DENND4C: variants seen among roughly 807,000 people sequenced by gnomAD.
DENND4C encodes DENN domain-containing protein 4C.
In DENND4C, 108 loss-of-function variants were observed where a neutral mutation model predicts 203.0. The observed-to-expected ratio is 0.53, with a 90% CI of 0.46 to 0.62. The LOEUF (loss-of-function observed/expected upper bound fraction) is 0.62. Among genes scored for constraint, DENND4C ranks in the 20% least tolerant of loss-of-function variants. The pLI is 0.00. For synonymous variants in DENND4C, 871 were observed against 792.4 expected (o/e 1.10, Z -1.67); for missense variants, 2,481 against 2,301.2 (o/e 1.08, Z -1.60).
At chr9:19,352,920 G>C (rs1824482482) in intron 26 of DENND4C, among the ~76,000 whole-genome samples, 1 of 152,100 alleles carries the variant, frequency 6.6e-6, no homozygotes, top group Non-Finnish European at 1.5e-5. Context: ...GATTGCTTGA[G>C]GTCAGGAGTT....
chr9:19,268,765 C>A (rs964565485), intron 1 of DENND4C, among the ~76,000 whole-genome samples: 3 of 152,092 alleles, frequency 2.0e-5, no homozygotes, highest in Non-Finnish European at 1.5e-5. Flanking sequence ...CATACACTCT[C>A]TCCTAGCCTG....
intron 2 of DENND4C, among the ~76,000 whole-genome samples, chr9:19,283,188 A>T (rs1282389715): frequency 6.6e-6 from 1 of 151,598 alleles, no homozygotes; most frequent in African/African-American, 2.4e-5. Flanking sequence ...TGTTTAAACT[A>T]TTTTGTTAAA....
chr9:19,230,926 A>C (rs1820359251), intron 1 of DENND4C, 93 bp downstream of exon 1: 1 of 152,316 alleles, frequency 6.6e-6, no homozygotes, highest in Non-Finnish European at 1.5e-5. Context: ...CGGGACAGGT[A>C]GAGCCCGGAG....
chr9:19,322,622 G>T (rs1015542208), intron 12 of DENND4C, among the ~76,000 whole-genome samples: 38 of 151,638 alleles, frequency 2.5e-4, no homozygotes, highest in Non-Finnish European at 4.3e-4. Flanking sequence ...TGTAGTCCCA[G>T]CTTCTCAGGA....
intron 16 of DENND4C, 97 bp downstream of exon 16, chr9:19,328,259 A>G (rs1182469706): frequency 1.7e-6 from 2 of 1,182,358 alleles, no homozygotes; most frequent in African/African-American, 3.2e-5. Context: ...CACAACAACC[A>G]TTTGAAGACT....
intron 9 of DENND4C, among the ~76,000 whole-genome samples, chr9:19,304,127 G>GTT (rs140760363): frequency 1.4e-5 from 2 of 146,862 alleles, no homozygotes; most frequent in African/African-American, 2.5e-5. Context: ...CTTGAGGAAT[G>GTT]TTTTTTTCTC....
intron 20 of DENND4C, among the ~76,000 whole-genome samples, chr9:19,339,048 C>A (rs1821069834): frequency 6.6e-6 from 1 of 152,136 alleles, no homozygotes; most frequent in Admixed American, 6.5e-5. Context: ...AAGAATAATA[C>A]AGAAAACTCT....
At chr9:19,259,505 C>CT (rs1021585159) in intron 1 of DENND4C, among the ~76,000 whole-genome samples, 26,308 of 131,392 alleles carry the variant, frequency 0.2, 2,769 homozygotes, top group African/African-American at 0.21. Context: ...TTTCTTTTTT[C>CT]TTTTTTTTTT....
At position 19,358,302 on chromosome 9, in the gene DENND4C, G is replaced by A; in HGVS notation, c.5160+142G>A. 3.0e-6 allele frequency: 2 copies of A among 661,224 alleles called. No individual in the cohort carries two copies. Among genetic ancestry groups the A allele is most frequent in the South Asian group, 4.0e-5 (1 of 24,870 alleles). The allele number at this position is 661,224 out of a possible 1,614,324, so 41.0% of individuals were successfully genotyped here. The stretch of plus-strand genomic sequence containing the variant: ...TTCCATAAACAAATAACTTTTTATT[G>A]TGGAGAATTTCAAATATGTACAAAA... On this transcript the variant is annotated intron_variant, in intron 28 of 32. Transcript: ENST00000434457. This position sits in a 1 kb window ranked among gnomAD's most constrained non-coding sequence, Gnocchi z 4.8.
At position 19,316,606 on chromosome 9, in the gene DENND4C, T is replaced by C; in HGVS notation, c.1589-15T>C. On this transcript the variant is annotated splice_polypyrimidine_tract_variant and intron_variant, in intron 11 of 32. Coordinates refer to ENST00000434457, the MANE Select transcript of DENND4C (RefSeq NM_001330640.2). The stretch of plus-strand genomic sequence containing the variant: ...TTAACATAATACCATTTTCTGTTTT[T>C]ATTTCCTTTGTTAGTTCACCAAAAA... The C allele has an allele frequency of 6.2e-7, 1 of 1,610,216 alleles. No homozygotes were observed. The highest frequency in any genetic ancestry group is 8.5e-7 in the Non-Finnish European group (1 of 1,178,568).
intron 1 of DENND4C, among the ~76,000 whole-genome samples, chr9:19,275,235 C>G (rs1832644333): frequency 6.6e-6 from 1 of 151,296 alleles, no homozygotes; most frequent in African/African-American, 2.4e-5. Context: ...GCCTCGGCCT[C>G]CCAAAGTGCA....
intron 6 of DENND4C, 27 bp from the exon 7 acceptor site, chr9:19,298,029 A>G (rs773455116): frequency 6.5e-7 from 1 of 1,540,042 alleles, no homozygotes; most frequent in East Asian, 2.4e-5. Flanking sequence ...AGTAATTATT[A>G]TATTTATTTC....
At chr9:19,303,295 T>C (rs1004700084) in intron 9 of DENND4C, among the ~76,000 whole-genome samples, 2 of 152,216 alleles carry the variant, frequency 1.3e-5, no homozygotes, top group African/African-American at 2.4e-5. Flanking sequence ...TTATTCCTTA[T>C]GTTTTTCATT....
At chr9:19,366,909 AG>A (rs1430600901) in intron 30 of DENND4C, among the ~76,000 whole-genome samples, 1 of 152,240 alleles carries the variant, frequency 6.6e-6, no homozygotes, top group Non-Finnish European at 1.5e-5. Context: ...AAAAAGTGAA[AG>A]GTCAATCGAC....
intron 24 of DENND4C, 89 bp downstream of exon 24, chr9:19,350,968 G>A (rs1823985210): frequency 1.5e-6 from 2 of 1,371,558 alleles, no homozygotes; most frequent in Non-Finnish European, 9.9e-7. Context: ...TTGTCTTGTT[G>A]CCCAGGCTGG....
At chr9:19,291,630 G>T (rs746202129) in intron 5 of DENND4C, among the ~76,000 whole-genome samples, 1 of 151,114 alleles carries the variant, frequency 6.6e-6, no homozygotes, top group Admixed American at 6.6e-5. Context: ...GCTTGAACCC[G>T]GGAGACAGAG....
rs150604977 is a variant in DENND4C at position 19,282,807 on chromosome 9, C to G, written c.306-3962C>G. On this transcript the variant is annotated intron_variant, in intron 2 of 32. Transcript: ENST00000434457. ...TTGGGGCTCACTACAATCTCTGCTT[C>G]CTGGGTTCAGGTGATTCTCCTGCCT... Among the ~76,000 whole-genome samples the G allele has an allele frequency of 1.7e-3, 229 of 137,292 alleles. 1 individual carries two copies. The highest frequency in any genetic ancestry group is 5.8e-3 in the African/African-American group (213 of 36,720). 90.1% of individuals were successfully genotyped at this position (137,292 alleles called of 152,430 possible). A position where few individuals can be genotyped will look rare whatever the true frequency, so the allele number is the denominator to read the frequency against.
chr9:19,240,268 A>G (rs578253650), intron 1 of DENND4C, among the ~76,000 whole-genome samples: 1 of 152,218 alleles, frequency 6.6e-6, no homozygotes, highest in East Asian at 1.9e-4. Context: ...CTTCTAGGCT[A>G]CAAACCTGTA....
In DENND4C at chr9:19,328,022, T is replaced by A. The variant is rs568928819; in HGVS notation, c.2121-8T>A. The A allele has an allele frequency of 4.2e-5, 66 of 1,581,550 alleles. No homozygotes were observed. In the African/African-American group the frequency reaches 5.8e-4, roughly 14 times the overall value. ...AAATCAGCAGTTCTATTTTTTTTTT[T>A]ATTTTAGTTACAAATACTTTCCAAG... is the stretch of plus-strand genomic sequence containing the variant. On this transcript the variant is annotated splice_region_variant and splice_polypyrimidine_tract_variant and intron_variant, in intron 15 of 32. Transcript: ENST00000434457.
Sources: allele counts gnomAD v4.1 joint callset (sites outside exome capture counted in the v4.1 genomes callset), GRCh38; gene constraint gnomAD v4.1.1; non-coding constraint Gnocchi (gnomAD v3.1); transcripts MANE v1.5; gene names NCBI Gene and HGNC (gene_info 2026-07-23, HGNC 2026-07-21).